HTR1E: variants seen among roughly 807,000 people sequenced by gnomAD.
HTR1E encodes the protein 5-hydroxytryptamine receptor 1E.
HTR1E carries 3 observed loss-of-function variants against 3.4 expected under a neutral mutation model. The ratio of observed to expected loss-of-function variants is 0.89; its 90% CI spans 0.41 to 2.31. HTR1E has a LOEUF of 2.31. Among genes scored for constraint, HTR1E ranks in the 30% most tolerant of loss-of-function variants. The pLI is 0.05. For missense variants in HTR1E, 392 were observed against 467.0 expected (o/e 0.84, Z 1.48); for synonymous variants, 170 against 182.8 (o/e 0.93, Z 0.56).
intron 1 of HTR1E, among the ~76,000 whole-genome samples, chr6:86,998,004 G>A (rs1307549222): frequency 6.6e-6 from 1 of 151,618 alleles, no homozygotes; most frequent in African/African-American, 2.4e-5. Flanking sequence ...GATAAATGGA[G>A]ATTTACATAA....
intron 1 of HTR1E, among the ~76,000 whole-genome samples, chr6:86,983,164 C>G (rs992413519): frequency 1.3e-5 from 2 of 152,182 alleles, no homozygotes; most frequent in African/African-American, 4.8e-5. Flanking sequence ...ATTTGTAACA[C>G]AGAGAATCAT....
chr6:87,009,684 C>G (rs1385002753), intron 1 of HTR1E, among the ~76,000 whole-genome samples: 1 of 144,482 alleles, frequency 6.9e-6, no homozygotes, highest in African/African-American at 2.6e-5. Context: ...GCTGGCCGGG[C>G]GGGGGGCCGA....
chr6:86,963,210 A>G (rs1767431443), intron 1 of HTR1E, among the ~76,000 whole-genome samples: 2 of 152,210 alleles, frequency 1.3e-5, no homozygotes, highest in South Asian at 2.1e-4. Context: ...AAAAATTTAA[A>G]AAATAAACAA....
chr6:86,980,173 G>C (rs112902875), intron 1 of HTR1E, among the ~76,000 whole-genome samples: 17 of 152,230 alleles, frequency 1.1e-4, no homozygotes, highest in African/African-American at 4.1e-4. Context: ...GGATCATGAG[G>C]TCATGAGATG....
intron 1 of HTR1E, among the ~76,000 whole-genome samples, chr6:86,973,332 CTGTG>C (rs1767588256): frequency 1.7e-5 from 2 of 115,778 alleles, no homozygotes; most frequent in African/African-American, 3.1e-5. Context: ...GTGTGTGTGT[CTGTG>C]TGTGTGTCTG....
At chr6:87,005,503 A>G (rs1019927937) in intron 1 of HTR1E, among the ~76,000 whole-genome samples, 1 of 152,198 alleles carries the variant, frequency 6.6e-6, no homozygotes, top group African/African-American at 2.4e-5. Flanking sequence ...CAATATCTTC[A>G]ATAAATGCTG....
At chr6:86,946,901 G>C (rs1333020323) in intron 1 of HTR1E, among the ~76,000 whole-genome samples, 1 of 152,130 alleles carries the variant, frequency 6.6e-6, no homozygotes, top group Admixed American at 6.6e-5. Context: ...CGGATCACCT[G>C]AGGTCAGGAG....
intron 1 of HTR1E, among the ~76,000 whole-genome samples, chr6:87,012,150 C>T (rs1387267505): frequency 1.3e-5 from 2 of 152,086 alleles, no homozygotes; most frequent in African/African-American, 4.8e-5. Flanking sequence ...AATATCTTAC[C>T]AGGGACTTTC....
Position 87,015,261 on chromosome 6 carries a change from C to T in HTR1E, c.-74C>T, listed in dbSNP as rs1458412901. 11 of 1,336,340 alleles carry T rather than the reference C, an allele frequency of 8.2e-6. No homozygotes were observed. Among genetic ancestry groups the T allele is most frequent in the South Asian group, 5.6e-5 (3 of 53,366 alleles). 82.8% of individuals were successfully genotyped at this position (1,336,340 alleles called of 1,614,324 possible). On this transcript the variant is annotated 5_prime_UTR_variant, in exon 2 of 2. Transcript: ENST00000305344. The stretch of plus-strand genomic sequence containing the variant: ...AGCCTCCTTACAAGTGAGAAACCTT[C>T]GAGGCTACATAGTTTTCAGCCAAAG...
At chr6:87,012,586 A>G (rs1359414333) in intron 1 of HTR1E, among the ~76,000 whole-genome samples, 1 of 152,226 alleles carries the variant, frequency 6.6e-6, no homozygotes, top group African/African-American at 2.4e-5. Context: ...AACAAAATTA[A>G]GTTGACTTAT....
intron 1 of HTR1E, among the ~76,000 whole-genome samples, chr6:86,994,193 A>G (rs1410629506): frequency 1.3e-5 from 2 of 152,210 alleles, no homozygotes; most frequent in Admixed American, 6.5e-5. Context: ...ATAAGGGAGA[A>G]AGAAGACGGG....
chr6:86,992,444 A>T (rs1319437145), intron 1 of HTR1E, among the ~76,000 whole-genome samples: 2 of 152,200 alleles, frequency 1.3e-5, no homozygotes, highest in African/African-American at 4.8e-5. Context: ...AATGTTTACC[A>T]AAGAACGACG....
At chr6:87,005,269 T>G (rs1186159673) in intron 1 of HTR1E, among the ~76,000 whole-genome samples, 1 of 152,018 alleles carries the variant, frequency 6.6e-6, no homozygotes, top group Non-Finnish European at 1.5e-5. Flanking sequence ...ACAAAAGACC[T>G]AGAGTAGTCA....
chr6:86,943,934 C>G (rs998752295), intron 1 of HTR1E, among the ~76,000 whole-genome samples: 3 of 152,188 alleles, frequency 2.0e-5, no homozygotes, highest in African/African-American at 7.2e-5. Flanking sequence ...GTCTGTCACT[C>G]ACAGGCTGCA....
chr6:86,964,616 AG>A (rs1767450937), intron 1 of HTR1E, among the ~76,000 whole-genome samples: 1 of 152,180 alleles, frequency 6.6e-6, no homozygotes, highest in African/African-American at 2.4e-5. Flanking sequence ...ATAACAGTAA[AG>A]TTGTAAACTT....
intron 1 of HTR1E, among the ~76,000 whole-genome samples, chr6:86,995,665 C>CAAAAAAAAAAAAAAAAAAAA (rs60134206): frequency 2.5e-4 from 9 of 36,684 alleles, no homozygotes; most frequent in Non-Finnish European, 3.2e-4. Context: ...GACTCCATCT[C>CAAAAAAAAAAAAAAAAAAAA]AAAAAAAAAA....
intron 1 of HTR1E, among the ~76,000 whole-genome samples, chr6:87,010,529 C>T (rs1283849983): frequency 2.1e-5 from 3 of 143,386 alleles, no homozygotes; most frequent in Admixed American, 6.9e-5. Context: ...GGCAGAGGCG[C>T]TCCCCACATC....
intron 1 of HTR1E, among the ~76,000 whole-genome samples, chr6:86,963,152 T>C (rs1396707204): frequency 6.6e-6 from 1 of 152,200 alleles, no homozygotes; most frequent in Middle Eastern, 3.2e-3. Flanking sequence ...ATTCTGACCT[T>C]GTGTAGTCCA....
At chr6:86,982,508 A>C (rs1269713718) in intron 1 of HTR1E, among the ~76,000 whole-genome samples, 1 of 152,242 alleles carries the variant, frequency 6.6e-6, no homozygotes, top group Non-Finnish European at 1.5e-5. Flanking sequence ...GTGAGAATCC[A>C]GGAATGGGTC....
Sources: allele counts gnomAD v4.1 joint callset (sites outside exome capture counted in the v4.1 genomes callset), GRCh38; gene constraint gnomAD v4.1.1; transcripts MANE v1.5; gene names NCBI Gene and HGNC (gene_info 2026-07-23, HGNC 2026-07-21).